The following PIK3R1 variants were observed in gnomAD, a reference collection of about 807,000 sequenced individuals.
PIK3R1 encodes the protein phosphatidylinositol 3-kinase regulatory subunit alpha.
PIK3R1 carries 29 observed loss-of-function variants against 98.0 expected under a neutral mutation model. The ratio of observed to expected loss-of-function variants is 0.30; its 90% CI spans 0.22 to 0.40. The LOEUF (loss-of-function observed/expected upper bound fraction) is 0.40, where lower values mean the gene tolerates loss of function less well. Ranked by LOEUF, PIK3R1 falls within the 10% of genes least tolerant of loss-of-function variation. PIK3R1 has a pLI of 1.00. For missense variants in PIK3R1, 596 were observed against 872.7 expected, an observed-to-expected ratio of 0.68 and a Z score of 3.99; for synonymous variants, 282 against 311.8, an observed-to-expected ratio of 0.90 and a Z score of 1.01.
chr5:68,279,609 C>A lies in PIK3R1; in HGVS notation c.510C>A (p.Pro170=). ...ELRQLLDCDT[P]SVDLEMIDVH... is the part of the protein sequence containing the mutation. ...TCTTAAATTGTTTCCTAGATACACC[C>A]TCCGTGGACTTGGAAATGATCGATG... Residue 170 remains proline (P), a synonymous_variant, in exon 5 of 16, where the codon CCC becomes CCA. Transcript: ENST00000521381. 2 of 1,613,142 alleles carry A rather than the reference C, an allele frequency of 1.2e-6. No individual in the cohort carries two copies. Among genetic ancestry groups the A allele is most frequent in the South Asian group, 1.1e-5 (1 of 91,032 alleles).
rs564899671 is a variant in PIK3R1 at position 68,275,847 on chromosome 5, C to T, written c.502+1834C>T. The stretch of plus-strand genomic sequence containing the variant: ...TTACACCTAAAAAAAAAAATTATGG[C>T]TTTTAACTAACCTTGTGAATTACCA... On this transcript the variant is annotated intron_variant, in intron 4 of 15. Coordinates refer to ENST00000521381, the MANE Select transcript of PIK3R1 (RefSeq NM_181523.3). Among the ~76,000 whole-genome samples the T allele has an allele frequency of 2.6e-5, 4 of 152,200 alleles. No homozygotes were observed. The South Asian group carries it at 8.3e-4, about 32-fold the overall frequency.
chr5:68,265,376 C>T (rs934580090), intron 2 of PIK3R1, among the ~76,000 whole-genome samples: 1 of 86,262 alleles, frequency 1.2e-5, no homozygotes, highest in Non-Finnish European at 2.5e-5. Flanking sequence ...GTCAGGGTTA[C>T]CATAACAAAA....
intron 2 of PIK3R1, among the ~76,000 whole-genome samples, chr5:68,235,463 A>G (rs563622721): frequency 8.5e-5 from 13 of 152,114 alleles, no homozygotes; most frequent in Non-Finnish European, 1.9e-4. Flanking sequence ...AATGCTTAAG[A>G]ATTTTTTATC....
At chr5:68,288,897 C>T (rs1580255416) in intron 7 of PIK3R1, 1 of 820,704 alleles carries the variant, frequency 1.2e-6, no homozygotes, top group African/African-American at 1.7e-5. Context: ...GACACTCCCC[C>T]TGTCCTCGAG....
intron 2 of PIK3R1, among the ~76,000 whole-genome samples, chr5:68,238,301 C>G (rs117872500): frequency 1.3e-5 from 2 of 152,198 alleles, no homozygotes; most frequent in East Asian, 3.9e-4. Context: ...ATGGGTAGGT[C>G]TTTCCTTGTT....
intron 2 of PIK3R1, among the ~76,000 whole-genome samples, chr5:68,272,900 A>G (rs10072475): frequency 0.11 from 16,797 of 152,202 alleles, 1,153 homozygotes; most frequent in East Asian, 0.23. Context: ...AATCATGTCA[A>G]CTGTTCAATA....
At chr5:68,280,137 GA>G (rs2112191930) in intron 5 of PIK3R1, 1 of 306,038 alleles carries the variant, frequency 3.3e-6, no homozygotes, top group Non-Finnish European at 6.0e-6. Flanking sequence ...TCAGTTTTAG[GA>G]GATAAGGTTC....
intron 2 of PIK3R1, among the ~76,000 whole-genome samples, chr5:68,232,612 CA>C (rs1207037189): frequency 6.6e-6 from 1 of 152,172 alleles, no homozygotes; most frequent in African/African-American, 2.4e-5. Context: ...CAGAATAAGA[CA>C]GTATTTGAGG....
intron 2 of PIK3R1, among the ~76,000 whole-genome samples, chr5:68,231,963 C>T (rs552915755): frequency 1.3e-5 from 2 of 152,150 alleles, no homozygotes; most frequent in Non-Finnish European, 2.9e-5. Flanking sequence ...TGAGCTCTGT[C>T]TCTAACTTCT....
intron 7 of PIK3R1, among the ~76,000 whole-genome samples, chr5:68,285,656 C>T (rs1017088943): frequency 6.6e-6 from 1 of 152,146 alleles, no homozygotes; most frequent in South Asian, 2.1e-4. Context: ...GTGCAGATGT[C>T]TCTTTGTCTC....
intron 2 of PIK3R1, among the ~76,000 whole-genome samples, chr5:68,258,178 T>C (rs941283872): frequency 2.0e-5 from 3 of 152,202 alleles, no homozygotes; most frequent in Non-Finnish European, 4.4e-5. Context: ...AGGTGCTAAA[T>C]TGCTTCAAAA....
At chr5:68,218,129 G>A (rs889046793) in intron 1 of PIK3R1, among the ~76,000 whole-genome samples, 2 of 152,076 alleles carry the variant, frequency 1.3e-5, no homozygotes, top group Non-Finnish European at 2.9e-5. Flanking sequence ...TATACTAAGC[G>A]CAGGAAATCC....
intron 2 of PIK3R1, among the ~76,000 whole-genome samples, chr5:68,236,321 C>T (rs1002666546): frequency 2.0e-5 from 3 of 152,012 alleles, no homozygotes; most frequent in African/African-American, 7.3e-5. Flanking sequence ...ACGATCTCGG[C>T]TCACTGCAAG....
chr5:68,253,691 C>T (rs1445571326), intron 2 of PIK3R1, among the ~76,000 whole-genome samples: 1 of 152,146 alleles, frequency 6.6e-6, no homozygotes, highest in African/African-American at 2.4e-5. Flanking sequence ...TTAAAAACAG[C>T]CGGAACTTCT....
At position 68,299,438 on chromosome 5, in the gene PIK3R1, G is replaced by A. The variant is rs1016435148; in HGVS notation, c.*1837G>A. On this transcript the variant is annotated 3_prime_UTR_variant, in exon 16 of 16. Coordinates refer to ENST00000521381, the MANE Select transcript of PIK3R1 (RefSeq NM_181523.3). ...TCATTGTATGTGCTTCACTACGGGGGGGAGAAGGAAACGTTAGCATCATGT... is the reference window on the plus strand; with the variant it reads ...TCATTGTATGTGCTTCACTACGGGGAGGAGAAGGAAACGTTAGCATCATGT... 1 of 233,498 alleles carries A rather than the reference G, an allele frequency of 4.3e-6. No individual in the cohort carries two copies. The highest frequency in any genetic ancestry group is 2.2e-5 in the African/African-American group (1 of 45,422). The allele number at this position is 233,498 out of a possible 1,614,324, so 14.5% of individuals were successfully genotyped here.
intron 1 of PIK3R1, among the ~76,000 whole-genome samples, chr5:68,222,521 C>G (rs140742748): frequency 2.6e-5 from 4 of 152,086 alleles, no homozygotes; most frequent in Non-Finnish European, 5.9e-5. Flanking sequence ...AAGTGGGCAG[C>G]CTTCCAGAAG....
chr5:68,250,637 A>T (rs1745270112), intron 2 of PIK3R1, among the ~76,000 whole-genome samples: 1 of 152,212 alleles, frequency 6.6e-6, no homozygotes, highest in South Asian at 2.1e-4. Flanking sequence ...CTCAGGACCT[A>T]ACCACCATTT....
intron 14 of PIK3R1, chr5:68,295,835 C>T: frequency 4.5e-6 from 2 of 446,746 alleles, no homozygotes; most frequent in Non-Finnish European, 4.0e-6. Flanking sequence ...TTGAATTAGT[C>T]AAAAACTGGC....
rs1465937762 is a variant in PIK3R1 at position 68,299,170 on chromosome 5, A to AT, written c.*1570dup. 1 of 233,472 alleles carries AT rather than the reference A, an allele frequency of 4.3e-6. No individual in the cohort carries two copies. The highest frequency in any genetic ancestry group is 8.5e-6 in the Non-Finnish European group (1 of 118,004). The allele number at this position is 233,472 out of a possible 1,614,324, so 14.5% of individuals were successfully genotyped here. On this transcript the variant is annotated 3_prime_UTR_variant, in exon 16 of 16. Transcript: ENST00000521381. Reference sequence around the variant, plus strand: ...TTGTTTAGAACACTGGTTTAAAGGGATAATCATCTCTGTCACATTAGACTA... The same window carrying AT: ...TTGTTTAGAACACTGGTTTAAAGGGATTAATCATCTCTGTCACATTAGACTA...
Sources: gnomAD v4.1 joint callset for allele counts (sites outside exome capture counted in the v4.1 genomes callset) on GRCh38, gnomAD v4.1.1 for gene constraint, MANE v1.5 for transcripts, NCBI Gene and HGNC (gene_info 2026-07-23, HGNC 2026-07-21) for gene names.